The following PRH1 variants were observed in gnomAD, a reference collection of about 807,000 sequenced individuals.
The protein encoded by PRH1 is proline rich protein HaeIII subfamily 1.
Under a neutral mutation model 7.9 loss-of-function variants are expected in PRH1, and 7 were observed. The observed-to-expected ratio is 0.89, with a 90% CI of 0.50 to 1.67. The LOEUF (loss-of-function observed/expected upper bound fraction) is 1.67. Among genes scored for constraint, PRH1 ranks in the 40% most tolerant of loss-of-function variants. The pLI, the probability that PRH1 is intolerant of heterozygous loss-of-function variation, is 0.00. For synonymous variants in PRH1, 45 were observed against 80.8 expected (o/e 0.56, Z 2.38); for missense variants, 109 against 223.6 (o/e 0.49, Z 3.27).
chr12:10,947,215 T>C (rs1015864279), intron 2 of PRH1, among the ~76,000 whole-genome samples: 40 of 152,140 alleles, frequency 2.6e-4, no homozygotes, highest in Non-Finnish European at 8.8e-5. Flanking sequence ...TCTAATACTG[T>C]CAGTGGAGTG....
At chr12:11,040,642 T>C (rs1220246662) in intron 1 of PRH1, among the ~76,000 whole-genome samples, 1 of 152,172 alleles carries the variant, frequency 6.6e-6, no homozygotes, top group African/African-American at 2.4e-5. Context: ...CAAACCACCA[T>C]GGCACATGTA....
At chr12:11,042,767 CT>C (rs1942761650) in intron 1 of PRH1, among the ~76,000 whole-genome samples, 1 of 151,462 alleles carries the variant, frequency 6.6e-6, no homozygotes, top group Non-Finnish European at 1.5e-5. Flanking sequence ...GTAGCTGGGA[CT>C]ACAGGCGCCC....
At chr12:11,105,017 TA>T (rs1344326125) in intron 1 of PRH1, among the ~76,000 whole-genome samples, 2 of 151,816 alleles carry the variant, frequency 1.3e-5, no homozygotes, top group African/African-American at 4.8e-5. Flanking sequence ...TATTTCATTA[TA>T]AATTGTCTAA....
intron 1 of PRH1, among the ~76,000 whole-genome samples, chr12:11,024,590 T>C (rs1364735420): frequency 2.0e-5 from 3 of 152,262 alleles, no homozygotes; most frequent in Non-Finnish European, 1.5e-5. Context: ...GTATCCAAAA[T>C]TTAACCCCAT....
intron 1 of PRH1, among the ~76,000 whole-genome samples, chr12:11,156,321 G>C (rs768504449): frequency 6.6e-6 from 1 of 151,750 alleles, no homozygotes; most frequent in Non-Finnish European, 1.5e-5. Context: ...GTTTCCTGTA[G>C]CATTTATATG....
chr12:11,007,737 A>G (rs775162995), intron 1 of PRH1, among the ~76,000 whole-genome samples: 5 of 151,976 alleles, frequency 3.3e-5, no homozygotes, highest in Non-Finnish European at 7.4e-5. Context: ...TCCATTTACC[A>G]CAAGCACATC....
At chr12:11,130,113 T>C (rs866582503) in intron 1 of PRH1, among the ~76,000 whole-genome samples, 5 of 152,216 alleles carry the variant, frequency 3.3e-5, no homozygotes. Flanking sequence ...ATCCTGCCAC[T>C]GCATTCCAGC....
In PRH1 at chr12:10,903,172, A is replaced by T. The variant is rs1489970199; in HGVS notation, c.-58-18897T>A. Among the ~76,000 whole-genome samples, 7 of 152,298 alleles carry T rather than the reference A, an allele frequency of 4.6e-5. No individual in the cohort carries two copies. The South Asian group carries it at 1.4e-3, about 32-fold the overall frequency. ...GTAAAGGGTTGTAGAAGGATCTGTA[A>T]CACAAATAGAAAAGAAAAAAAGAAA... On this transcript the variant is annotated intron_variant, in intron 2 of 3. Coordinates refer to the PRH1 transcript ENST00000539853.
chr12:11,123,618 C>T (rs573729597), intron 1 of PRH1, among the ~76,000 whole-genome samples: 1 of 152,060 alleles, frequency 6.6e-6, no homozygotes, highest in Non-Finnish European at 1.5e-5. Context: ...TTTGTATTTT[C>T]TCTTGCTCTA....
chr12:11,132,590 C>A (rs61928449), intron 1 of PRH1, among the ~76,000 whole-genome samples: 30,845 of 151,496 alleles, frequency 0.2, 942 homozygotes, highest in Non-Finnish European at 0.22. Context: ...GATTTTTCAT[C>A]CCTCTTATAG....
At chr12:10,911,521 A>G (rs755625004) in intron 2 of PRH1, among the ~76,000 whole-genome samples, 8 of 152,198 alleles carry the variant, frequency 5.3e-5, no homozygotes, top group Non-Finnish European at 8.8e-5. Flanking sequence ...AAGGGCAGGA[A>G]GAGGAAACAA....
At chr12:10,942,937 A>G (rs1410004465) in intron 2 of PRH1, among the ~76,000 whole-genome samples, 1 of 152,102 alleles carries the variant, frequency 6.6e-6, no homozygotes, top group Non-Finnish European at 1.5e-5. Context: ...AGCTCCAGGT[A>G]AGGTTGTAAT....
intron 1 of PRH1, among the ~76,000 whole-genome samples, chr12:11,138,960 A>T (rs891201984): frequency 2.0e-4 from 30 of 152,308 alleles, no homozygotes; most frequent in African/African-American, 6.7e-4. Context: ...GAATCACTTC[A>T]GCCCGGGTGG....
intron 1 of PRH1, among the ~76,000 whole-genome samples, chr12:11,020,014 C>T (rs1941517192): frequency 6.6e-6 from 1 of 152,274 alleles, no homozygotes; most frequent in Non-Finnish European, 1.5e-5. Flanking sequence ...CTCTACTTCA[C>T]ACACCTGATA....
At position 10,882,219 on chromosome 12, in the gene PRH1, G is replaced by T. The variant is rs572433222; in HGVS notation, c.*16C>A. The stretch of plus-strand genomic sequence containing the variant: ...TGGATAATAAACTGGAATCGTACCT[G>T]TCATTGAATCCTAGATTACTGAGGA... On this transcript the variant is annotated splice_region_variant and 3_prime_UTR_variant, in exon 3 of 4. Transcript: ENST00000543626. 21 of 1,613,686 alleles carry T rather than the reference G, an allele frequency of 1.3e-5. No individual in the cohort carries two copies. The South Asian group carries it at 2.3e-4, about 18-fold the overall frequency.
upstream of PRH1, among the ~76,000 whole-genome samples, chr12:10,886,684 GCCA>G (rs1415682398): frequency 3.9e-5 from 6 of 152,094 alleles, no homozygotes; most frequent in Admixed American, 3.9e-4. Flanking sequence ...GCCCTGAAGG[GCCA>G]GTCTTCAACA....
At chr12:10,928,943 T>A (rs1282677687) in intron 2 of PRH1, among the ~76,000 whole-genome samples, 2 of 152,110 alleles carry the variant, frequency 1.3e-5, no homozygotes, top group African/African-American at 4.8e-5. Flanking sequence ...CCAAACAGAT[T>A]GAAAAACAAA....
intron 1 of PRH1, among the ~76,000 whole-genome samples, chr12:11,147,614 T>C (rs538212622): frequency 6.6e-6 from 1 of 152,336 alleles, no homozygotes; most frequent in African/African-American, 2.4e-5. Context: ...GTTGATTCTT[T>C]AGGAGTGTTC....
At chr12:11,039,197 A>T (rs1004752088) in intron 1 of PRH1, among the ~76,000 whole-genome samples, 31 of 152,296 alleles carry the variant, frequency 2.0e-4, no homozygotes, top group African/African-American at 7.0e-4. Flanking sequence ...TCATGTCTGA[A>T]TTTTTTTAAA....
Sources: gnomAD v4.1 joint callset for allele counts (sites outside exome capture counted in the v4.1 genomes callset) on GRCh38, gnomAD v4.1.1 for gene constraint, MANE v1.5 for transcripts, NCBI Gene and HGNC (gene_info 2026-07-23, HGNC 2026-07-21) for gene names.